The following ZNF34 variants were observed in gnomAD, a reference collection of about 807,000 sequenced individuals.
ZNF34 encodes zinc finger protein 34 (KOX 32).
A neutral mutation model predicts 14.4 loss-of-function variants in ZNF34; 8 were observed. That is an observed-to-expected ratio of 0.55 (90% confidence interval 0.33 to 1.00). The LOEUF is 1.00. Ranked by LOEUF, ZNF34 falls within the 50% of genes least tolerant of loss-of-function variation. The pLI is 0.03. For missense variants in ZNF34, 538 were observed against 674.2 expected, an observed-to-expected ratio of 0.80 and a Z score of 2.24; for synonymous variants, 235 against 247.9, an observed-to-expected ratio of 0.95 and a Z score of 0.49.
At chr8:144,778,323 G>T in intron 3 of ZNF34, 116 bp downstream of exon 3, 3 of 1,357,730 alleles carry the variant, frequency 2.2e-6, no homozygotes, top group Non-Finnish European at 3.0e-6. Flanking sequence ...CTGCATGGGG[G>T]TCTCAGGGCC....
rs570050167 is a variant in ZNF34, at chr8:144,779,483, C to T, written c.-55+745G>A. Among the ~76,000 whole-genome samples, 3 of 152,246 alleles carry T rather than the reference C, an allele frequency of 2.0e-5. No homozygotes were observed. The East Asian group carries it at 5.8e-4, about 29-fold the overall frequency. ...GGTGCCTTCACAGCCTCCATACTAG[C>T]GTTGGCCCCCTGGACCCACCTTAAG... On this transcript the variant is annotated intron_variant, in intron 2 of 5. Transcript: ENST00000429371. This position sits in a 1 kb window ranked among gnomAD's most constrained non-coding sequence, Gnocchi z 4.1.
In ZNF34 at chr8:144,774,336, C is replaced by T. The variant is rs1343938428; in HGVS notation, c.550G>A (p.Glu184Lys). ...TGGTTGTTGAGATATGATCTCTGTT[C>T]AAAACTTTGCTCACATATATCACAT... is the stretch of plus-strand genomic sequence containing the variant. ...HKCDICEQSF[E>K]QRSYLNNHKR... The change falls in exon 6 of 6, where the codon GAA becomes AAA. Residue 184 changes from glutamate (E) to lysine (K), a missense_variant. By Grantham distance (56) the Glu-to-Lys change is moderately conservative (BLOSUM62 1). Around this residue, in one of 3 missense-constraint regions of ZNF34, gnomAD observed 431 missense variants for 525.7 expected, o/e 0.82. Transcript: ENST00000429371. 1 of 1,612,054 alleles carries T rather than the reference C, an allele frequency of 6.2e-7. No homozygotes were observed. Among genetic ancestry groups the T allele is most frequent in the Admixed American group, 1.7e-5 (1 of 59,596 alleles).
In ZNF34 at chr8:144,780,192, G is replaced by A. The variant is rs375075268; in HGVS notation, c.-55+36C>T. The A allele has an allele frequency of 1.3e-4, 193 of 1,505,886 alleles. 1 individual carries two copies. The highest frequency in any genetic ancestry group is 3.6e-4 in the South Asian group (30 of 83,178). 93.3% of individuals were successfully genotyped at this position (1,505,886 alleles called of 1,614,324 possible). Reference sequence around the variant, plus strand: ...AGCCTGGGCAACAAAGCAAAACCCTGTCTCAAAATAAATAAGTAAAATAAG... The same window carrying A: ...AGCCTGGGCAACAAAGCAAAACCCTATCTCAAAATAAATAAGTAAAATAAG... On this transcript the variant is annotated intron_variant, in intron 2 of 5. Transcript: ENST00000429371.
At chr8:144,783,069 G>A (rs1246891188) in intron 1 of ZNF34, among the ~76,000 whole-genome samples, 1 of 152,000 alleles carries the variant, frequency 6.6e-6, no homozygotes, top group African/African-American at 2.4e-5. Context: ...GGAGGCCAAG[G>A]CGGGAAGATG....
In ZNF34 at chr8:144,780,240, T is replaced by G. The variant is rs1005671199; in HGVS notation, c.-67A>C. ...AAGATTGACTCACCTACCAGAAGCA[T>G]GAGACTCTCGGATTAGATACATGTG... On this transcript the variant is annotated 5_prime_UTR_variant, in exon 2 of 6. It removes an upstream start codon present in the reference 5' UTR. Coordinates refer to ENST00000429371, the MANE Select transcript of ZNF34 (RefSeq NM_001286769.2). 1 of 1,549,920 alleles carries G rather than the reference T, an allele frequency of 6.5e-7. No homozygotes were observed. The highest frequency in any genetic ancestry group is 8.7e-7 in the Non-Finnish European group (1 of 1,145,800).
chr8:144,783,467 A>C (rs368820697), intron 1 of ZNF34, among the ~76,000 whole-genome samples: 2 of 152,212 alleles, frequency 1.3e-5, no homozygotes, highest in East Asian at 1.9e-4. Context: ...AATAATCTAC[A>C]TAGAAAATCC....
intron 5 of ZNF34, among the ~76,000 whole-genome samples, chr8:144,775,260 G>A (rs143296401): frequency 3.7e-4 from 56 of 152,300 alleles, no homozygotes; most frequent in African/African-American, 1.3e-3. Context: ...TGCAGCAGAC[G>A]GTGCTCACAC....
intron 5 of ZNF34, among the ~76,000 whole-genome samples, chr8:144,775,019 TC>T (rs1258177696): frequency 1.3e-5 from 2 of 152,198 alleles, no homozygotes; most frequent in Non-Finnish European, 2.9e-5. Flanking sequence ...CCTTGGTTTC[TC>T]CATCTGTGAC....
rs989479847 is a variant in ZNF34 at position 144,772,630 on chromosome 8, C to T, written c.*636G>A. 1.3e-5 allele frequency among the ~76,000 whole-genome samples: 2 copies of T among 152,206 alleles called. No homozygotes were observed. Among genetic ancestry groups the T allele is most frequent in the African/African-American group, 4.8e-5 (2 of 41,454 alleles). On this transcript the variant is annotated 3_prime_UTR_variant, in exon 6 of 6. Coordinates refer to ENST00000429371, the MANE Select transcript of ZNF34 (RefSeq NM_001286769.2). ...TCTTGGCTCACTGCAACCTCCGCCT[C>T]CCAGGTTCAAGCAATGCTCCTGCCT...
chr8:144,780,301 A>C, intron 1 of ZNF34, 21 bp from the exon 2 acceptor site: 2 of 1,536,330 alleles, frequency 1.3e-6, no homozygotes, highest in Non-Finnish European at 1.8e-6. Context: ...ATAACACAGA[A>C]AGGCTAAGTA....
At position 144,774,525 on chromosome 8, in the gene ZNF34, C is replaced by G. The variant is rs754943835; in HGVS notation, c.361G>C (p.Val121Leu). 6.2e-7 allele frequency: 1 copy of G among 1,614,036 alleles called. No individual in the cohort carries two copies. Among genetic ancestry groups the G allele is most frequent in the Non-Finnish European group, 8.5e-7 (1 of 1,179,910 alleles). The change falls in exon 6 of 6, where the codon GTA becomes CTA. Residue 121 changes from valine to leucine, a missense_variant. Physicochemically the swap from Val to Leu is conservative, Grantham distance 32. Coordinates refer to ENST00000429371, the MANE Select transcript of ZNF34 (RefSeq NM_001286769.2). ...TTACTGATGTGGTCACAGGCTTCTA[C>G]TGGCTCAGATCCCTGGGGATCTTCC... is the stretch of plus-strand genomic sequence containing the variant. ...GEEDPQGSEPVEACDHISKSE... is the reference protein window; with the variant it reads ...GEEDPQGSEPLEACDHISKSE...
chr8:144,783,138 C>T (rs1007879856), intron 1 of ZNF34, among the ~76,000 whole-genome samples: 6 of 149,946 alleles, frequency 4.0e-5, no homozygotes, highest in Non-Finnish European at 5.9e-5. Context: ...AAAATTAGCA[C>T]GGATTGGTGG....
rs1825381700 is a variant in ZNF34 at position 144,774,543 on chromosome 8, G to T, written c.343C>A (p.Pro115Thr). ...TSQETFGEEDPQGSEPVEACD... is the reference protein window; with the variant it reads ...TSQETFGEEDTQGSEPVEACD... ...GCTTCTACTGGCTCAGATCCCTGGG[G>T]ATCTTCCTCACCAAATGTCTCCTGT... The change falls in exon 6 of 6, where the codon CCC becomes ACC. Residue 115 changes from proline (P) to threonine (T), a missense_variant. Pro to Thr is a conservative substitution (Grantham distance 38). Around this residue, in one of 3 missense-constraint regions of ZNF34, gnomAD observed 431 missense variants for 525.7 expected, o/e 0.82. Transcript: ENST00000429371. 4 of 1,613,932 alleles carry T rather than the reference G, an allele frequency of 2.5e-6. No homozygotes were observed. The highest frequency in any genetic ancestry group is 2.5e-6 in the Non-Finnish European group (3 of 1,179,880).
chr8:144,774,686 G>C lies in ZNF34; in HGVS notation c.281-81C>G, dbSNP rs570948420. On this transcript the variant is annotated intron_variant, in intron 5 of 5. Transcript: ENST00000429371. ...CATGAGATGCTGCTGGCCACCTGTG[G>C]GGAACCAATTTGATCATCTCCAAAG... 2.0e-6 allele frequency: 3 copies of C among 1,499,224 alleles called. No individual in the cohort carries two copies. In the African/African-American group the frequency reaches 4.2e-5, roughly 21 times the overall value. The allele number at this position is 1,499,224 out of a possible 1,614,324, so 92.9% of individuals were successfully genotyped here.
chr8:144,783,057 T>C (rs890575664), intron 1 of ZNF34, among the ~76,000 whole-genome samples: 2 of 151,746 alleles, frequency 1.3e-5, no homozygotes, highest in Admixed American at 6.6e-5. Context: ...CCCCATACTT[T>C]GGGAGGCCAA....
chr8:144,778,239 A>C, intron 3 of ZNF34, 75 bp from the exon 4 acceptor site: 6 of 1,551,284 alleles, frequency 3.9e-6, no homozygotes, highest in Non-Finnish European at 5.2e-6. Flanking sequence ...CAGCAGAAGC[A>C]TGCTAAAGGC....
At chr8:144,776,753 A>G (rs890592664) in intron 5 of ZNF34, among the ~76,000 whole-genome samples, 1 of 152,032 alleles carries the variant, frequency 6.6e-6, no homozygotes, top group Non-Finnish European at 1.5e-5. Flanking sequence ...CTGTAAAAAA[A>G]TCAAAAAATT....
chr8:144,785,868 G>A (rs999751729), intron 1 of ZNF34, among the ~76,000 whole-genome samples: 1 of 152,124 alleles, frequency 6.6e-6, no homozygotes, highest in Non-Finnish European at 1.5e-5. Flanking sequence ...AAACTTCAGC[G>A]TCCATCAGCA....
chr8:144,786,857 G>A (rs941464599), intron 1 of ZNF34, among the ~76,000 whole-genome samples: 2 of 151,974 alleles, frequency 1.3e-5, no homozygotes, highest in African/African-American at 2.4e-5. Flanking sequence ...AGGGCTGGGA[G>A]GACCGCGAGA....
Sources: allele counts gnomAD v4.1 joint callset (sites outside exome capture counted in the v4.1 genomes callset), GRCh38; gene constraint gnomAD v4.1.1; regional missense constraint gnomAD v4.1.1; non-coding constraint Gnocchi (gnomAD v3.1); transcripts MANE v1.5; gene names NCBI Gene and HGNC (gene_info 2026-07-23, HGNC 2026-07-21).